The following MAP9 variants were observed in gnomAD, a reference collection of about 807,000 sequenced individuals.
The protein encoded by MAP9 is microtubule associated protein 9.
Under a neutral mutation model 75.2 loss-of-function variants are expected in MAP9, and 80 were observed. That is an observed-to-expected ratio of 1.06 (90% CI 0.89 to 1.28). The LOEUF (loss-of-function observed/expected upper bound fraction) is 1.28. MAP9 is among the 50% of genes most tolerant of loss of function. The probability of loss-of-function intolerance (pLI) is 0.00; values close to 1 mark genes in which losing one functional copy is unlikely to be tolerated. For synonymous variants in MAP9, 235 were observed against 237.3 expected (o/e 0.99, Z 0.09); for missense variants, 753 against 719.9 (o/e 1.05, Z -0.53).
intron 5 of MAP9, chr4:155,368,286 C>T: frequency 2.0e-6 from 1 of 512,228 alleles, no homozygotes; most frequent in East Asian, 3.0e-5. Flanking sequence ...CACTTTTTGA[C>T]ATTTTACTTT....
At chr4:155,372,678 A>G (rs1460908184) in intron 4 of MAP9, among the ~76,000 whole-genome samples, 1 of 152,208 alleles carries the variant, frequency 6.6e-6, no homozygotes, top group Non-Finnish European at 1.5e-5. Flanking sequence ...ATGTCAAGAA[A>G]ATTTTCTGGC....
chr4:155,360,511 T>C (rs1732024389), intron 6 of MAP9, 96 bp from the exon 7 acceptor site: 3 of 1,209,204 alleles, frequency 2.5e-6, no homozygotes, highest in Non-Finnish European at 3.4e-6. Context: ...GGACTATCTA[T>C]AAACTCTTTT....
Position 155,346,217 on chromosome 4 carries a change from A to T in MAP9, c.*1566T>A, listed in dbSNP as rs1560798484. Reference sequence around the variant, plus strand: ...AAAGCCTTTGTCACATAACTTGCTGAGTTTTCTGATATTCTGATAGTAGTT... The same window carrying T: ...AAAGCCTTTGTCACATAACTTGCTGTGTTTTCTGATATTCTGATAGTAGTT... On this transcript the variant is annotated 3_prime_UTR_variant, in exon 14 of 14. Coordinates refer to ENST00000311277, the MANE Select transcript of MAP9 (RefSeq NM_001039580.2). The T allele has an allele frequency of 6.6e-6, 1 of 152,230 alleles. No individual in the cohort carries two copies. Among genetic ancestry groups the T allele is most frequent in the South Asian group, 2.1e-4 (1 of 4,824 alleles). The allele number at this position is 152,230 out of a possible 1,614,324, so 9.4% of individuals were successfully genotyped here.
At chr4:155,374,025 A>T (rs1391412326) in intron 3 of MAP9, among the ~76,000 whole-genome samples, 5 of 152,176 alleles carry the variant, frequency 3.3e-5, no homozygotes, top group Non-Finnish European at 7.3e-5. Flanking sequence ...AATCAATTAC[A>T]ATTATTCACC....
rs79356475 is a variant in MAP9 at position 155,349,110 on chromosome 4, C to T, written c.1822-1205G>A. Among the ~76,000 whole-genome samples, 1,243 of 151,982 alleles carry T rather than the reference C, an allele frequency of 8.2e-3. 23 individuals carry two copies. The highest frequency in any genetic ancestry group is 0.029 in the African/African-American group (1,186 of 41,432). ...ACAAAAAATGGACTCAGGGAAAGTC[C>T]CTTTGAAGTGTGACATGATGGATAA... On this transcript the variant is annotated intron_variant, in intron 13 of 13. Coordinates refer to ENST00000311277, the MANE Select transcript of MAP9 (RefSeq NM_001039580.2).
Position 155,346,598 on chromosome 4 carries a change from T to C in MAP9, c.*1185A>G, listed in dbSNP as rs1731295867. On this transcript the variant is annotated 3_prime_UTR_variant, in exon 14 of 14. Coordinates refer to ENST00000311277, the MANE Select transcript of MAP9 (RefSeq NM_001039580.2). ...GTTTATCTGAGCGCCAGTATTTTTA[T>C]ATGTAAGATGAAGCCGGTAACACCT... The C allele has an allele frequency of 1.3e-5, 2 of 152,276 alleles. No homozygotes were observed. Among genetic ancestry groups the C allele is most frequent in the Admixed American group, 1.3e-4 (2 of 15,260 alleles). 9.4% of individuals were successfully genotyped at this position (152,276 alleles called of 1,614,324 possible).
chr4:155,358,860 C>T (rs1731927150), intron 7 of MAP9, among the ~76,000 whole-genome samples: 1 of 151,836 alleles, frequency 6.6e-6, no homozygotes, highest in South Asian at 2.1e-4. Context: ...CAAATTAAAA[C>T]CACAGTGAGA....
intron 13 of MAP9, among the ~76,000 whole-genome samples, chr4:155,349,209 GA>G (rs1184473413): frequency 2.4e-3 from 2 of 834 alleles, no homozygotes; most frequent in East Asian, 0.056. Context: ...CTGAGAGTGG[GA>G]AAAAAAATGT....
intron 6 of MAP9, among the ~76,000 whole-genome samples, chr4:155,360,639 C>T (rs1732033558): frequency 1.3e-5 from 2 of 151,860 alleles, no homozygotes; most frequent in African/African-American, 4.8e-5. Context: ...AAATCTAGTA[C>T]TTAGAAAAAT....
At chr4:155,360,558 C>T (rs1732028145) in intron 6 of MAP9, 143 bp from the exon 7 acceptor site, 1 of 766,612 alleles carries the variant, frequency 1.3e-6, no homozygotes, top group Non-Finnish European at 2.0e-6. Flanking sequence ...TCATATTAAA[C>T]TTGCATAAAC....
At position 155,373,330 on chromosome 4, in the gene MAP9, T is replaced by G. The variant is rs1347195878; in HGVS notation, c.287A>C (p.Lys96Thr). ...PSKLLFLKTNKSNGNITKDEP... is the reference protein window; with the variant it reads ...PSKLLFLKTNTSNGNITKDEP... ...ATCTTTGGTTATGTTACCGTTTGAT[T>G]TATTGGTTTTCAAAAACAATAGTTT... Residue 96 changes from lysine to threonine, a missense_variant, in exon 4 of 14, where the codon AAA becomes ACA. Physicochemically the swap from Lys to Thr is moderately conservative, Grantham distance 78. Coordinates refer to ENST00000311277, the MANE Select transcript of MAP9 (RefSeq NM_001039580.2). 9 of 1,613,644 alleles carry G rather than the reference T, an allele frequency of 5.6e-6. No homozygotes were observed. Among genetic ancestry groups the G allele is most frequent in the Non-Finnish European group, 6.8e-6 (8 of 1,179,894 alleles).
chr4:155,353,452 T>G (rs911731590), intron 10 of MAP9, 112 bp from the exon 11 acceptor site: 21 of 871,332 alleles, frequency 2.4e-5, no homozygotes, highest in Non-Finnish European at 3.1e-5. Flanking sequence ...TCCTCTGATA[T>G]TCATTATACT....
At chr4:155,351,652 AGT>A (rs1731516994) in intron 13 of MAP9, among the ~76,000 whole-genome samples, 1 of 151,928 alleles carries the variant, frequency 6.6e-6, no homozygotes, top group Non-Finnish European at 1.5e-5. Flanking sequence ...CTAATAGAAA[AGT>A]GTGCAAAGTC....
rs779666233 is a variant in MAP9, at chr4:155,360,381, G to A, written c.837C>T (p.Ser279=). The change falls in exon 7 of 14, where the codon TCC becomes TCT. Residue 279 remains serine, a synonymous_variant. Transcript: ENST00000311277. ...TCTCTTTATTTTCATCTGATTTCAA[G>A]GAATTATGGTTTTCAGTGATTTCTT... ...PNEEITENHN[S]LKSDENKENS... is the part of the protein sequence containing the mutation. 9.3e-6 allele frequency: 15 copies of A among 1,611,698 alleles called. No individual in the cohort carries two copies. The highest frequency in any genetic ancestry group is 1.3e-5 in the Non-Finnish European group (15 of 1,178,800).
Position 155,347,065 on chromosome 4 carries a change from C to T in MAP9, c.*718G>A, listed in dbSNP as rs574560255. 24 of 152,218 alleles carry T rather than the reference C, an allele frequency of 1.6e-4. No homozygotes were observed. The highest frequency in any genetic ancestry group is 3.4e-3 in the Middle Eastern group (1 of 294). The allele number at this position is 152,218 out of a possible 1,614,324, so 9.4% of individuals were successfully genotyped here. On this transcript the variant is annotated 3_prime_UTR_variant, in exon 14 of 14. Coordinates refer to ENST00000311277, the MANE Select transcript of MAP9 (RefSeq NM_001039580.2). Reference sequence around the variant, plus strand: ...ATACATAAGTATATCACTACTGTGACATTGATGTCTTTTGGTATCACTGAA... The same window carrying T: ...ATACATAAGTATATCACTACTGTGATATTGATGTCTTTTGGTATCACTGAA...
intron 4 of MAP9, among the ~76,000 whole-genome samples, chr4:155,370,912 C>T (rs928970084): frequency 3.3e-5 from 5 of 152,054 alleles, no homozygotes; most frequent in African/African-American, 9.7e-5. Context: ...CATTTAATTG[C>T]CTCAAACTCC....
Position 155,343,908 on chromosome 4 carries a change from T to C in MAP9, c.*3875A>G, listed in dbSNP as rs1211044282. 6.6e-6 allele frequency: 1 copy of C among 151,956 alleles called. No individual in the cohort carries two copies. The highest frequency in any genetic ancestry group is 1.5e-5 in the Non-Finnish European group (1 of 67,828). The allele number at this position is 151,956 out of a possible 1,614,324, so 9.4% of individuals were successfully genotyped here. A position where few individuals can be genotyped will look rare whatever the true frequency, so the allele number is the denominator to read the frequency against. On this transcript the variant is annotated 3_prime_UTR_variant, in exon 14 of 14. Coordinates refer to ENST00000311277, the MANE Select transcript of MAP9 (RefSeq NM_001039580.2). ...GTTTAACATTTACACAGCATTTTAT[T>C]ATCCTATTAGCCAGTGTAAATGCAA...
intron 3 of MAP9, among the ~76,000 whole-genome samples, chr4:155,373,712 A>C (rs1330070157): frequency 6.6e-6 from 1 of 152,226 alleles, no homozygotes; most frequent in Non-Finnish European, 1.5e-5. Flanking sequence ...GTAGGGTACC[A>C]AACAACCAAA....
At chr4:155,375,737 G>A (rs1444183909) in intron 2 of MAP9, 39 bp downstream of exon 2, 1 of 1,348,258 alleles carries the variant, frequency 7.4e-7, no homozygotes, top group Non-Finnish European at 1.1e-6. Context: ...CTAATACAGT[G>A]TTTACACTGT....
Sources: gnomAD v4.1 joint callset for allele counts (sites outside exome capture counted in the v4.1 genomes callset) on GRCh38, gnomAD v4.1.1 for gene constraint, MANE v1.5 for transcripts, NCBI Gene and HGNC (gene_info 2026-07-23, HGNC 2026-07-21) for gene names.